The following CACNB2 variants were observed in gnomAD, a reference collection of about 807,000 sequenced individuals.
CACNB2 encodes calcium voltage-gated channel auxiliary subunit beta 2, also known as voltage-dependent L-type calcium channel subunit beta-2.
In CACNB2, 42 loss-of-function variants were observed where a neutral mutation model predicts 73.3. That is an observed-to-expected ratio of 0.57 (90% CI 0.45 to 0.74). The LOEUF is 0.74. CACNB2 is among the 30% of genes least tolerant of loss of function. The probability of loss-of-function intolerance (pLI) is 0.00; values close to 1 mark genes in which losing one functional copy is unlikely to be tolerated. For missense variants in CACNB2, 940 were observed against 853.0 expected, an observed-to-expected ratio of 1.10 and a Z score of -1.27; for synonymous variants, 348 against 310.3, an observed-to-expected ratio of 1.12 and a Z score of -1.28.
At chr10:18,285,310 GT>G (rs1305623731) in intron 2 of CACNB2, among the ~76,000 whole-genome samples, 1 of 152,188 alleles carries the variant, frequency 6.6e-6, no homozygotes, top group Non-Finnish European at 1.5e-5. Context: ...GCTCCTTAGG[GT>G]TTCTTGGAAT....
chr10:18,539,230 G>T lies in CACNB2; in HGVS notation c.1489G>T (p.Gly497Cys), dbSNP rs1220629347. ...CCTGGTGTGCTCCTTTCGCTGCCAGGGTTCTCAAGGTGATCAGAGGACTGA... is the reference window on the plus strand; with the variant it reads ...CCTGGTGTGCTCCTTTCGCTGCCAGTGTTCTCAAGGTGATCAGAGGACTGA... ...LSPTLASNSQ[G>C]SQGDQRTDRS... Residue 497 changes from glycine to cysteine, a missense_variant and splice_region_variant, in exon 14 of 14, where the codon GGT (glycine) becomes TGT (cysteine). By Grantham distance (159) the Gly-to-Cys change is radical. Transcript: ENST00000324631. The T allele has an allele frequency of 1.2e-6, 2 of 1,613,958 alleles. No homozygotes were observed. Among genetic ancestry groups the T allele is most frequent in the Non-Finnish European group, 8.5e-7 (1 of 1,180,000 alleles).
chr10:18,290,910 A>G (rs1424338366), intron 2 of CACNB2, among the ~76,000 whole-genome samples: 1 of 152,248 alleles, frequency 6.6e-6, no homozygotes, highest in East Asian at 1.9e-4. Context: ...GGGCACAGGA[A>G]CAAAGGGCGG....
intron 2 of CACNB2, among the ~76,000 whole-genome samples, chr10:18,250,748 C>T (rs977089125): frequency 2.6e-5 from 4 of 152,312 alleles, no homozygotes; most frequent in South Asian, 2.1e-4. Flanking sequence ...CCTCCATTTC[C>T]GTTTCCCCAT....
chr10:18,326,195 A>G (rs1043434098), intron 2 of CACNB2, among the ~76,000 whole-genome samples: 2 of 152,250 alleles, frequency 1.3e-5, no homozygotes, highest in East Asian at 3.8e-4. Flanking sequence ...AAGCAGTTTT[A>G]AAAAGGAAAA....
At chr10:18,401,126 G>A (rs1186512911) in intron 2 of CACNB2, 4 of 1,614,008 alleles carry the variant, frequency 2.5e-6, no homozygotes, top group Non-Finnish European at 3.4e-6. Context: ...TTCGTTTGTG[G>A]GGAGAGGTTA....
intron 7 of CACNB2, chr10:18,514,595 A>C (rs2051094787): frequency 1.3e-6 from 2 of 1,543,296 alleles, no homozygotes; most frequent in Non-Finnish European, 1.8e-6. Flanking sequence ...TAATTCCCAC[A>C]GTTGTATTAA....
At position 18,140,452 on chromosome 10, in the gene CACNB2, G is replaced by C. The variant is rs969764574; in HGVS notation, c.-285G>C. 3.3e-5 allele frequency among the ~76,000 whole-genome samples: 5 copies of C among 151,760 alleles called. No individual in the cohort carries two copies. Among genetic ancestry groups the C allele is most frequent in the Admixed American group, 3.3e-4 (5 of 15,240 alleles). The stretch of plus-strand genomic sequence containing the variant: ...GCGCTGCGCCCGCTCTCCCGGCCCC[G>C]GCTGCCCCGCTGAGGGCTCCCCTCT... On this transcript the variant is annotated 5_prime_UTR_variant, in exon 1 of 14. Coordinates refer to ENST00000324631, the MANE Select transcript of CACNB2 (RefSeq NM_201596.3).
At chr10:18,175,160 GAAAC>G (rs1471686110) in intron 2 of CACNB2, among the ~76,000 whole-genome samples, 2 of 152,084 alleles carry the variant, frequency 1.3e-5, no homozygotes, top group Non-Finnish European at 2.9e-5. Context: ...CTTAATGTTA[GAAAC>G]AATATAATTA....
chr10:18,422,330 C>T (rs2045366427), intron 3 of CACNB2, among the ~76,000 whole-genome samples: 1 of 152,216 alleles, frequency 6.6e-6, no homozygotes, highest in Admixed American at 6.5e-5. Context: ...GAGGGAATCC[C>T]ACCTGTGGGT....
intron 2 of CACNB2, among the ~76,000 whole-genome samples, chr10:18,332,005 A>G (rs56346389): frequency 0.08 from 12,165 of 152,198 alleles, 692 homozygotes; most frequent in Non-Finnish European, 0.12. Context: ...CAGTCCGAGG[A>G]CAGCAGGACA....
At position 18,180,914 on chromosome 10, in the gene CACNB2, C is replaced by T. The variant is rs531283504; in HGVS notation, c.213+29939C>T. ...CCGGGAGATGGAGGTTGCAGTGAGC[C>T]GAGATCACACCACTGCACTCCAGCC... On this transcript the variant is annotated intron_variant, in intron 2 of 13. Transcript: ENST00000324631. Among the ~76,000 whole-genome samples the T allele has an allele frequency of 2.0e-5, 3 of 151,130 alleles. No homozygotes were observed. In the East Asian group the frequency reaches 5.9e-4, roughly 30 times the overall value.
intron 2 of CACNB2, among the ~76,000 whole-genome samples, chr10:18,248,919 G>C (rs2036977154): frequency 2.0e-5 from 3 of 152,052 alleles, no homozygotes; most frequent in African/African-American, 7.2e-5. Flanking sequence ...GACACACATA[G>C]TGGGGGAAAA....
intron 2 of CACNB2, among the ~76,000 whole-genome samples, chr10:18,153,215 G>C (rs1216403899): frequency 6.7e-6 from 1 of 149,000 alleles, no homozygotes; most frequent in Non-Finnish European, 1.5e-5. Flanking sequence ...TTATCCCAAA[G>C]GGTAAATATA....
chr10:18,534,218 T>C lies in CACNB2; in HGVS notation c.1197T>C (p.Ser399=), dbSNP rs752490047. The change falls in exon 11 of 14, where the codon TCT becomes TCC. Residue 399 remains serine, a synonymous_variant. Coordinates refer to ENST00000324631, the MANE Select transcript of CACNB2 (RefSeq NM_201596.3). ...CTATTATAGTATATGTAAAGATTTC[T>C]TCTCCTAAGGTAAGTAGGACTGCTA... ...LAPIIVYVKI[S]SPKVLQRLIK... 15 of 1,612,540 alleles carry C rather than the reference T, an allele frequency of 9.3e-6. No homozygotes were observed. The East Asian group carries it at 3.3e-4, about 36-fold the overall frequency.
chr10:18,343,457 C>T (rs1478266825), intron 2 of CACNB2, among the ~76,000 whole-genome samples: 1 of 152,122 alleles, frequency 6.6e-6, no homozygotes. Context: ...CTTCTCTGAG[C>T]CTCAGTTTCA....
At position 18,374,451 on chromosome 10, in the gene CACNB2, G is replaced by T. The variant is rs1589171443; in HGVS notation, c.214-27473G>T. On this transcript the variant is annotated intron_variant, in intron 2 of 13. Transcript: ENST00000324631. ...TATCAAATTAGTCAAGGCAAGGCCG[G>T]GTACAGTGGCTCATGCCTATAATCC... is the stretch of plus-strand genomic sequence containing the variant. Among the ~76,000 whole-genome samples the T allele has an allele frequency of 2.0e-5, 3 of 152,324 alleles. No individual in the cohort carries two copies. The South Asian group carries it at 6.2e-4, about 32-fold the overall frequency.
chr10:18,210,666 T>C (rs1176926481), intron 2 of CACNB2, among the ~76,000 whole-genome samples: 1 of 152,206 alleles, frequency 6.6e-6, no homozygotes, highest in Non-Finnish European at 1.5e-5. Context: ...ACCTCCTAGA[T>C]TTATTGTTAG....
chr10:18,162,931 C>T (rs765644099), intron 2 of CACNB2, among the ~76,000 whole-genome samples: 4 of 151,976 alleles, frequency 2.6e-5, no homozygotes, highest in Non-Finnish European at 4.4e-5. Context: ...TGGTAAATAC[C>T]GGTAGGCTCA....
chr10:18,290,747 C>T (rs535048996), intron 2 of CACNB2, among the ~76,000 whole-genome samples: 4 of 152,330 alleles, frequency 2.6e-5, no homozygotes, highest in African/African-American at 9.6e-5. Flanking sequence ...GCTTTCTAAT[C>T]ACACGGTGTT....
Sources: gnomAD v4.1 joint callset for allele counts (sites outside exome capture counted in the v4.1 genomes callset) on GRCh38, gnomAD v4.1.1 for gene constraint, MANE v1.5 for transcripts, NCBI Gene and HGNC (gene_info 2026-07-23, HGNC 2026-07-21) for gene names.